NBPF9: variants seen among roughly 807,000 people sequenced by gnomAD.
NBPF9 encodes NBPF member 9.
Under a neutral mutation model 97.8 loss-of-function variants are expected in NBPF9, and 91 were observed. That is an observed-to-expected ratio of 0.93 (90% CI 0.79 to 1.11). The LOEUF is 1.11. NBPF9 is among the 50% of genes least tolerant of loss of function. The pLI, the probability that NBPF9 is intolerant of heterozygous loss-of-function variation, is 0.00. For synonymous variants in NBPF9, 334 were observed against 359.5 expected (o/e 0.93, Z 0.80); for missense variants, 992 against 939.5 (o/e 1.06, Z -0.73).
At chr1:149,084,368 T>C (rs1312105892) in intron 5 of NBPF9, among the ~76,000 whole-genome samples, 2 of 147,550 alleles carry the variant, frequency 1.4e-5, no homozygotes, top group African/African-American at 4.9e-5. Flanking sequence ...TATACATACG[T>C]GTGTATATAT....
At chr1:149,088,047 G>T (rs1232199197) in intron 5 of NBPF9, among the ~76,000 whole-genome samples, 2 of 151,792 alleles carry the variant, frequency 1.3e-5, no homozygotes, top group Non-Finnish European at 3.0e-5. Context: ...TAGGCATGAT[G>T]GTCTCCATCT....
Position 149,082,765 on chromosome 1 carries a change from A to G in NBPF9, c.-194-335T>C, listed in dbSNP as rs1232327404. On this transcript the variant is annotated intron_variant, in intron 5 of 29. Transcript: ENST00000584027. ...AAATAAAAAAATGGAATCATTTAGT[A>G]TGTTCTCTTGTTTTGACTTTTTTTT... is the stretch of plus-strand genomic sequence containing the variant. Among the ~76,000 whole-genome samples, 383 of 146,570 alleles carry G rather than the reference A, an allele frequency of 2.6e-3. 4 individuals carry two copies. Among genetic ancestry groups the G allele is most frequent in the East Asian group, 0.025 (124 of 4,956 alleles).
intron 12 of NBPF9, among the ~76,000 whole-genome samples, chr1:149,075,111 C>T (rs1324620844): frequency 2.6e-5 from 4 of 151,432 alleles, no homozygotes; most frequent in Non-Finnish European, 3.0e-5. Context: ...TGCATGGCCC[C>T]TACTCCCTGC....
In NBPF9 at chr1:149,081,904, T is replaced by C. The variant is rs1553656840; in HGVS notation, c.175+61A>G. 4.3e-6 allele frequency: 5 copies of C among 1,154,120 alleles called. No individual in the cohort carries two copies. The African/African-American group carries it at 6.4e-5, about 15-fold the overall frequency. The allele number at this position is 1,154,120 out of a possible 1,614,324, so 71.5% of individuals were successfully genotyped here. A position where few individuals can be genotyped will look rare whatever the true frequency, so the allele number is the denominator to read the frequency against. On this transcript the variant is annotated intron_variant, in intron 7 of 29. Coordinates refer to ENST00000584027, the Ensembl canonical transcript of NBPF9. The stretch of plus-strand genomic sequence containing the variant: ...TTTTTGATGGAGAGAGCATTTAGTG[T>C]CTCAGAGAGAAGACAGGACATCATT...
At chr1:149,072,876 T>G (rs1229996671) in exon 14 of NBPF9, 1 of 1,606,466 alleles carries the variant, frequency 6.2e-7, no homozygotes, top group East Asian at 2.2e-5. Flanking sequence ...TTCCCGCAAC[T>G]TCTCCCTTAA....
intron 4 of NBPF9, among the ~76,000 whole-genome samples, chr1:149,097,887 G>A (rs1230191160): frequency 1.9e-4 from 29 of 152,146 alleles, no homozygotes; most frequent in Admixed American, 3.9e-4. Context: ...AGATGGGAAC[G>A]GCCTTCAAAA....
intron 17 of NBPF9, among the ~76,000 whole-genome samples, chr1:149,069,018 G>A (rs2079202734): frequency 6.6e-6 from 1 of 152,108 alleles, no homozygotes; most frequent in Admixed American, 6.6e-5. Context: ...GCTCCTGAAC[G>A]ACTACTGGGA....
chr1:149,071,037 T>C (rs1254342560), exon 16 of NBPF9: 9 of 1,611,550 alleles, frequency 5.6e-6, no homozygotes, highest in Admixed American at 3.3e-5. Context: ...TTTTCCTATG[T>C]GGCTGGTTGG....
intron 18 of NBPF9, chr1:149,064,990 T>C (rs2078940693): frequency 3.7e-6 from 2 of 541,850 alleles, no homozygotes; most frequent in Non-Finnish European, 6.6e-6. Context: ...CTAGAAAACA[T>C]ACCAGGAACA....
chr1:149,083,086 G>T (rs1334727401), intron 5 of NBPF9, among the ~76,000 whole-genome samples: 1 of 148,764 alleles, frequency 6.7e-6, no homozygotes, highest in East Asian at 2.1e-4. Context: ...GGGATTACAG[G>T]CGTGAGCCAC....
intron 4 of NBPF9, among the ~76,000 whole-genome samples, chr1:149,098,121 G>A (rs1396282631): frequency 2.5e-4 from 38 of 151,176 alleles, no homozygotes; most frequent in African/African-American, 9.0e-4. Context: ...GATGGAAATG[G>A]GGGCAGAGAA....
chr1:149,087,181 T>C (rs587696693), intron 5 of NBPF9, among the ~76,000 whole-genome samples: 1 of 152,146 alleles, frequency 6.6e-6, no homozygotes, highest in East Asian at 1.9e-4. Flanking sequence ...TTTTCTGAAG[T>C]ATCTAAGTCT....
intron 5 of NBPF9, among the ~76,000 whole-genome samples, chr1:149,087,280 A>G (rs2081085365): frequency 6.6e-6 from 1 of 151,344 alleles, no homozygotes; most frequent in Non-Finnish European, 1.5e-5. Flanking sequence ...ATATATATAT[A>G]TATTCCCTAT....
chr1:149,101,845 C>T (rs2082162409), intron 2 of NBPF9, among the ~76,000 whole-genome samples: 1 of 151,400 alleles, frequency 6.6e-6, no homozygotes, highest in African/African-American at 2.4e-5. Flanking sequence ...AATGCCACTC[C>T]TACAAATATA....
intron 4 of NBPF9, among the ~76,000 whole-genome samples, chr1:149,097,019 AAAAAG>A (rs1425786728): frequency 0.022 from 3,378 of 151,238 alleles, 143 homozygotes; most frequent in African/African-American, 0.077. Context: ...AGAGACAAAG[AAAAAG>A]AAAAGAAGAA....
At chr1:149,089,635 C>T (rs4067700) in intron 5 of NBPF9, among the ~76,000 whole-genome samples, 3 of 152,428 alleles carry the variant, frequency 2.0e-5, no homozygotes, top group South Asian at 4.1e-4. Flanking sequence ...TAGCTAATAA[C>T]GCTAGGTGAC....
In NBPF9 at chr1:149,063,970, G is replaced by T. The variant is rs1474532412; in HGVS notation, c.1854-165C>A. On this transcript the variant is annotated intron_variant, in intron 19 of 29. Transcript: ENST00000584027. ...TTTATGTTGGGATAGACTAGGGCCA[G>T]GTAGAAAAGGATGAAAGAGAAAGAC... Among the ~76,000 whole-genome samples, 11 of 135,624 alleles carry T rather than the reference G, an allele frequency of 8.1e-5. No homozygotes were observed. The East Asian group carries it at 2.2e-3, about 28-fold the overall frequency. 89.0% of individuals were successfully genotyped at this position (135,624 alleles called of 152,430 possible).
rs2100328013 is a variant in NBPF9, at chr1:149,095,748, C to T, written c.-337+2690G>A. ...GTGAGGGAATTGCACATTAAAACAA[C>T]GAGATATCACTGTAAACCTATCAGA... On this transcript the variant is annotated intron_variant, in intron 4 of 29. Transcript: ENST00000584027. Among the ~76,000 whole-genome samples, 16 of 152,040 alleles carry T rather than the reference C, an allele frequency of 1.1e-4. 1 individual carries two copies. The highest frequency in any genetic ancestry group is 1.0e-3 in the South Asian group (5 of 4,820).
chr1:149,077,006 G>T (rs1175654386), intron 11 of NBPF9, among the ~76,000 whole-genome samples: 1 of 150,584 alleles, frequency 6.6e-6, no homozygotes, highest in East Asian at 1.9e-4. Flanking sequence ...TATTGTGTAG[G>T]CTGGTCTTCA....
Sources: allele counts gnomAD v4.1 joint callset (sites outside exome capture counted in the v4.1 genomes callset), GRCh38; gene constraint gnomAD v4.1.1; transcripts MANE v1.5; gene names NCBI Gene and HGNC (gene_info 2026-07-23, HGNC 2026-07-21).